The following TP73 variants were observed in gnomAD, a reference collection of about 807,000 sequenced individuals.
The protein encoded by TP73 is tumor protein p73, also known as p53-like transcription factor.
A neutral mutation model predicts 62.5 loss-of-function variants in TP73; 25 were observed. The ratio of observed to expected loss-of-function variants is 0.40; its 90% CI spans 0.29 to 0.56. The LOEUF (loss-of-function observed/expected upper bound fraction) is 0.56. TP73 is among the 20% of genes least tolerant of loss of function. The pLI is 0.46. For missense variants in TP73, 754 were observed against 913.3 expected (o/e 0.83, Z 2.25); for synonymous variants, 423 against 377.5 (o/e 1.12, Z -1.40).
rs371091748 is a variant in TP73, at chr1:3,722,993, T to A, written c.617-361T>A. ...GGGCTGGGCACCTCTGCATCTGGCATGGGGCTGGGCATCTCTGCACCTGAC... is the reference window on the plus strand; with the variant it reads ...GGGCTGGGCACCTCTGCATCTGGCAAGGGGCTGGGCATCTCTGCACCTGAC... On this transcript the variant is annotated intron_variant, in intron 5 of 13. Coordinates refer to ENST00000378295, the MANE Select transcript of TP73 (RefSeq NM_005427.4). Among the ~76,000 whole-genome samples, 186 of 126,704 alleles carry A rather than the reference T, an allele frequency of 1.5e-3. 1 individual carries two copies. Among genetic ancestry groups the A allele is most frequent in the African/African-American group, 5.3e-3 (175 of 32,858 alleles). 83.1% of individuals were successfully genotyped at this position (126,704 alleles called of 152,430 possible). A position where few individuals can be genotyped will look rare whatever the true frequency, so the allele number is the denominator to read the frequency against.
Position 3,662,536 on chromosome 1 carries a change from C to T in TP73, c.-34+9895C>T, listed in dbSNP as rs1420667737. ...AGGCGATCAGAGTTACCTGGAGCCG[C>T]TCTCCTCCCGGCATAGAGACCTTTA... is the stretch of plus-strand genomic sequence containing the variant. On this transcript the variant is annotated intron_variant, in intron 1 of 13. Transcript: ENST00000378295. The surrounding 1 kb of genome is among the most constrained non-coding windows in gnomAD (Gnocchi z 4.4). Among the ~76,000 whole-genome samples the T allele has an allele frequency of 6.6e-6, 1 of 152,238 alleles. No individual in the cohort carries two copies. Among genetic ancestry groups the T allele is most frequent in the Non-Finnish European group, 1.5e-5 (1 of 68,048 alleles).
chr1:3,658,539 G>A (rs549378691), intron 1 of TP73, among the ~76,000 whole-genome samples: 7 of 137,856 alleles, frequency 5.1e-5, no homozygotes, highest in East Asian at 2.2e-4. Flanking sequence ...AGGCTGCCTC[G>A]TGGTGCAGCT....
chr1:3,718,995 G>C (rs1234677835), intron 4 of TP73, among the ~76,000 whole-genome samples: 1 of 152,120 alleles, frequency 6.6e-6, no homozygotes, highest in East Asian at 1.9e-4. Flanking sequence ...AGGTGGAGAG[G>C]CTTGTGCAGT....
chr1:3,655,902 G>A (rs1644854456), intron 1 of TP73, among the ~76,000 whole-genome samples: 1 of 152,214 alleles, frequency 6.6e-6, no homozygotes, highest in Non-Finnish European at 1.5e-5. Context: ...ACTCAGCCGG[G>A]CGCAGTGGCT....
chr1:3,711,478 C>T lies in TP73; in HGVS notation c.429+3687C>T, dbSNP rs151282726. ...TCCTCTAGCTGTCAGAACAGCCCGA[C>T]GCGATGGGCATCGGATGCTGTGACA... On this transcript the variant is annotated intron_variant, in intron 4 of 13. Coordinates refer to ENST00000378295, the MANE Select transcript of TP73 (RefSeq NM_005427.4). Among the ~76,000 whole-genome samples the T allele has an allele frequency of 3.0e-3, 455 of 152,372 alleles. 2 individuals carry two copies. The highest frequency in any genetic ancestry group is 5.2e-3 in the Non-Finnish European group (354 of 68,036).
chr1:3,653,925 A>G (rs946110684), intron 1 of TP73, among the ~76,000 whole-genome samples: 1 of 152,224 alleles, frequency 6.6e-6, no homozygotes, highest in Non-Finnish European at 1.5e-5. Context: ...CATCCCTCAC[A>G]GCCTTTGGGA....
chr1:3,726,320 G>T (rs1350332618), intron 6 of TP73, among the ~76,000 whole-genome samples: 1 of 138,444 alleles, frequency 7.2e-6, no homozygotes, highest in Non-Finnish European at 1.6e-5. Flanking sequence ...TGGGTGGATG[G>T]GTGGATGGAT....
intron 4 of TP73, among the ~76,000 whole-genome samples, chr1:3,717,378 G>T (rs1640695079): frequency 1.3e-5 from 2 of 152,232 alleles, no homozygotes; most frequent in Admixed American, 1.3e-4. Flanking sequence ...GGAGGGATGG[G>T]CACAGTGGCG....
chr1:3,702,521 AC>A (rs1218183432), intron 3 of TP73, among the ~76,000 whole-genome samples: 1 of 152,182 alleles, frequency 6.6e-6, no homozygotes, highest in Non-Finnish European at 1.5e-5. Context: ...GCACAGGTGC[AC>A]CCAGGGAGGT....
At chr1:3,724,966 C>T (rs1385090290) in intron 6 of TP73, among the ~76,000 whole-genome samples, 4 of 152,132 alleles carry the variant, frequency 2.6e-5, no homozygotes, top group Admixed American at 6.5e-5. Flanking sequence ...TTGCAGTGAG[C>T]CAAGATCGCG....
At position 3,731,049 on chromosome 1, in the gene TP73, G is replaced by A. The variant is rs1014620480; in HGVS notation, c.1468G>A (p.Asp490Asn). 13 of 1,611,748 alleles carry A rather than the reference G, an allele frequency of 8.1e-6. No individual in the cohort carries two copies. Among genetic ancestry groups the A allele is most frequent in the African/African-American group, 4.0e-5 (3 of 75,016 alleles). Residue 490 changes from aspartate to asparagine, a missense_variant, in exon 12 of 14, where the codon GAC becomes AAC. Coordinates refer to ENST00000378295, the MANE Select transcript of TP73 (RefSeq NM_005427.4). The part of the protein sequence containing the change: ...HCTPPPPYHA[D>N]PSLVSFLTGL... Reference sequence around the variant, plus strand: ...CACTCCGCCACCCCCCTACCACGCCGACCCCAGCCTCGTCAGGTGCGTGGG... The same window carrying A: ...CACTCCGCCACCCCCCTACCACGCCAACCCCAGCCTCGTCAGGTGCGTGGG...
In TP73 at chr1:3,662,700, G is replaced by C. The variant is rs1645023287; in HGVS notation, c.-34+10059G>C. 6.6e-6 allele frequency among the ~76,000 whole-genome samples: 1 copy of C among 152,212 alleles called. No individual in the cohort carries two copies. Among genetic ancestry groups the C allele is most frequent in the African/African-American group, 2.4e-5 (1 of 41,452 alleles). ...TTCTGCCCCCTCAAGCCATGTTTTG[G>C]GGTGGGGTGGCGTGTCCTGAGCCCC... On this transcript the variant is annotated intron_variant, in intron 1 of 13. Coordinates refer to ENST00000378295, the MANE Select transcript of TP73 (RefSeq NM_005427.4). This position sits in a 1 kb window ranked among gnomAD's most constrained non-coding sequence, Gnocchi z 4.4.
intron 1 of TP73, among the ~76,000 whole-genome samples, chr1:3,677,295 G>A (rs892850350): frequency 7.9e-5 from 12 of 152,138 alleles, no homozygotes; most frequent in Non-Finnish European, 1.2e-4. Context: ...TGGGTTTGCC[G>A]GAGGGCCCTC....
At chr1:3,655,892 A>C (rs2101993475) in intron 1 of TP73, among the ~76,000 whole-genome samples, 1 of 152,288 alleles carries the variant, frequency 6.6e-6, no homozygotes, top group Middle Eastern at 3.4e-3. Flanking sequence ...AATTCCCTCT[A>C]CTCAGCCGGG....
chr1:3,725,780 A>G (rs1570620713), intron 6 of TP73, among the ~76,000 whole-genome samples: 2 of 47,168 alleles, frequency 4.2e-5, no homozygotes, highest in South Asian at 9.1e-4. Context: ...GGGTGGATGG[A>G]TGGATGGATA....
At chr1:3,681,262 C>T (rs886585503) in intron 1 of TP73, among the ~76,000 whole-genome samples, 7 of 152,202 alleles carry the variant, frequency 4.6e-5, no homozygotes, top group African/African-American at 1.2e-4. Flanking sequence ...CATTGCAGGG[C>T]GGTGGCCAAG....
At position 3,682,388 on chromosome 1, in the gene TP73, C is replaced by T. The variant is rs1027916899; in HGVS notation, c.23C>T (p.Ser8Phe). Residue 8 changes from serine to phenylalanine, a missense_variant, in exon 2 of 14, where the codon TCC becomes TTC. Transcript: ENST00000378295. Reference protein sequence around the residue: MAQSTATSPDGGTTFEHL... With the variant: MAQSTATFPDGGTTFEHL... ...AAGATGGCCCAGTCCACCGCCACCTCCCCTGATGGGGGCACCACGTTTGAG... is the reference window on the plus strand; with the variant it reads ...AAGATGGCCCAGTCCACCGCCACCTTCCCTGATGGGGGCACCACGTTTGAG... 1 of 1,563,088 alleles carries T rather than the reference C, an allele frequency of 6.4e-7. No individual in the cohort carries two copies. Among genetic ancestry groups the T allele is most frequent in the Non-Finnish European group, 8.7e-7 (1 of 1,151,200 alleles).
chr1:3,695,316 C>G (rs1289351677), intron 3 of TP73, among the ~76,000 whole-genome samples: 1 of 152,248 alleles, frequency 6.6e-6, no homozygotes, highest in Non-Finnish European at 1.5e-5. Context: ...CCCCCCACTT[C>G]CTCCTGGGGC....
intron 1 of TP73, among the ~76,000 whole-genome samples, chr1:3,678,651 T>TG (rs952478378): frequency 3.9e-5 from 6 of 152,306 alleles, no homozygotes; most frequent in African/African-American, 1.4e-4. Flanking sequence ...CCGATTCCCA[T>TG]GGGGGAGGCC....
Sources: allele counts gnomAD v4.1 joint callset (sites outside exome capture counted in the v4.1 genomes callset), GRCh38; gene constraint gnomAD v4.1.1; non-coding constraint Gnocchi (gnomAD v3.1); transcripts MANE v1.5; gene names NCBI Gene and HGNC (gene_info 2026-07-23, HGNC 2026-07-21).